The following EIF3H variants were observed in gnomAD, a reference collection of about 807,000 sequenced individuals.
EIF3H encodes eukaryotic translation initiation factor 3 subunit H.
In EIF3H, 26 loss-of-function variants were observed where a neutral mutation model predicts 44.2. That is an observed-to-expected ratio of 0.59 (90% CI 0.43 to 0.82). The LOEUF (loss-of-function observed/expected upper bound fraction) is 0.82. Among genes scored for constraint, EIF3H ranks in the 40% least tolerant of loss-of-function variants. The pLI is 0.00. For missense variants in EIF3H, 359 were observed against 432.8 expected (o/e 0.83, Z 1.51); for synonymous variants, 166 against 151.9 (o/e 1.09, Z -0.68).
chr8:116,735,816 G>GT (rs1444288565), intron 1 of EIF3H, among the ~76,000 whole-genome samples: 1 of 150,358 alleles, frequency 6.7e-6, no homozygotes, highest in South Asian at 2.1e-4. Context: ...AAAAAAAAAC[G>GT]TAACACAGCT....
chr8:116,701,805 T>TA (rs1315279139), intron 2 of EIF3H, among the ~76,000 whole-genome samples: 2 of 152,144 alleles, frequency 1.3e-5, no homozygotes, highest in African/African-American at 4.8e-5. Context: ...ACTAAAGAGA[T>TA]ACAATGAAAT....
intron 2 of EIF3H, among the ~76,000 whole-genome samples, chr8:116,660,882 T>C (rs2130798144): frequency 6.6e-6 from 1 of 152,324 alleles, no homozygotes; most frequent in African/African-American, 2.4e-5. Context: ...ACCTATGCTA[T>C]ACTCTAAACC....
At chr8:116,664,908 C>G (rs1215674434) in intron 2 of EIF3H, among the ~76,000 whole-genome samples, 1 of 150,180 alleles carries the variant, frequency 6.7e-6, no homozygotes. Flanking sequence ...GAGCTAGGCA[C>G]AGAGAAAGAA....
rs572709113 is a variant in EIF3H at position 116,646,333 on chromosome 8, C to A, written c.961+138G>T. The A allele has an allele frequency of 3.1e-5, 39 of 1,274,080 alleles. No individual in the cohort carries two copies. The African/African-American group carries it at 4.7e-4, about 16-fold the overall frequency. The allele number at this position is 1,274,080 out of a possible 1,614,324, so 78.9% of individuals were successfully genotyped here. On this transcript the variant is annotated intron_variant, in intron 7 of 7. Coordinates refer to ENST00000521861, the MANE Select transcript of EIF3H (RefSeq NM_003756.3). ...TCTTAGATTTCAGATATTACAGGTGCTAGATTCAAATTCATCCTGCAACTA... is the reference window on the plus strand; with the variant it reads ...TCTTAGATTTCAGATATTACAGGTGATAGATTCAAATTCATCCTGCAACTA...
intron 5 of EIF3H, among the ~76,000 whole-genome samples, chr8:116,651,828 T>A (rs149104845): frequency 2.0e-5 from 3 of 152,288 alleles, no homozygotes; most frequent in Non-Finnish European, 2.9e-5. Context: ...TGCAATGACT[T>A]AAAAACATAC....
In EIF3H at chr8:116,644,970, G is replaced by C. The variant is rs766468007; in HGVS notation, c.*36C>G. Reference sequence around the variant, plus strand: ...GAGTTGCCCTGGTGTGACTTCAAGAGTTCATGTTAACTTCTTTTCTGGAAA... The same window carrying C: ...GAGTTGCCCTGGTGTGACTTCAAGACTTCATGTTAACTTCTTTTCTGGAAA... On this transcript the variant is annotated 3_prime_UTR_variant, in exon 8 of 8. Coordinates refer to ENST00000521861, the MANE Select transcript of EIF3H (RefSeq NM_003756.3). 2.0e-6 allele frequency: 3 copies of C among 1,523,318 alleles called. No individual in the cohort carries two copies. In the East Asian group the frequency reaches 6.8e-5, roughly 34 times the overall value. 94.4% of individuals were successfully genotyped at this position (1,523,318 alleles called of 1,614,324 possible). A position where few individuals can be genotyped will look rare whatever the true frequency, so the allele number is the denominator to read the frequency against.
intron 2 of EIF3H, among the ~76,000 whole-genome samples, chr8:116,694,046 T>C (rs905142044): frequency 6.6e-6 from 1 of 152,204 alleles, no homozygotes; most frequent in Admixed American, 6.5e-5. Context: ...AACATTCCTA[T>C]AATACTCTTG....
intron 5 of EIF3H, among the ~76,000 whole-genome samples, chr8:116,653,322 T>A (rs1402591594): frequency 8.7e-6 from 1 of 114,856 alleles, no homozygotes; most frequent in African/African-American, 3.8e-5. Context: ...ATTATGATAA[T>A]GCTCTTCAGA....
upstream of EIF3H, among the ~76,000 whole-genome samples, chr8:116,759,931 A>G (rs1815501746): frequency 6.6e-6 from 1 of 152,148 alleles, no homozygotes; most frequent in East Asian, 1.9e-4. Context: ...CAGTTCCACA[A>G]TGTTGCTCAG....
chr8:116,646,753 A>T, intron 6 of EIF3H, 150 bp from the exon 7 acceptor site: 2 of 1,092,460 alleles, frequency 1.8e-6, no homozygotes, highest in Non-Finnish European at 2.6e-6. Context: ...CTTGCGTCTA[A>T]GAAGCTAAAT....
rs182795850 is a variant in EIF3H, at chr8:116,751,260, G to T, written c.132+4406C>A. Among the ~76,000 whole-genome samples the T allele has an allele frequency of 1.2e-3, 178 of 148,662 alleles. 1 individual carries two copies. The highest frequency in any genetic ancestry group is 0.01 in the Admixed American group (154 of 14,886). On this transcript the variant is annotated intron_variant, in intron 1 of 7. Transcript: ENST00000521861. ...AATAAAATAAAATAAAAGTATGAATGGTAGACTGAAGAAGGCAGGGGAAAA... is the reference window on the plus strand; with the variant it reads ...AATAAAATAAAATAAAAGTATGAATTGTAGACTGAAGAAGGCAGGGGAAAA...
intron 2 of EIF3H, among the ~76,000 whole-genome samples, chr8:116,706,593 G>A (rs766117376): frequency 3.9e-4 from 60 of 152,244 alleles, no homozygotes; most frequent in East Asian, 1.9e-4. Flanking sequence ...GGAGTGCAGT[G>A]GCACCATCTC....
intron 3 of EIF3H, 47 bp downstream of exon 3, chr8:116,658,766 G>A (rs769500203): frequency 6.3e-7 from 1 of 1,578,904 alleles, no homozygotes; most frequent in South Asian, 1.2e-5. Context: ...AGCAAAAATA[G>A]TAGTAATAAT....
chr8:116,690,188 T>A lies in EIF3H; in HGVS notation c.290-31208A>T, dbSNP rs189349668. 7.9e-5 allele frequency among the ~76,000 whole-genome samples: 12 copies of A among 152,288 alleles called. No individual in the cohort carries two copies. The East Asian group carries it at 2.3e-3, about 29-fold the overall frequency. On this transcript the variant is annotated intron_variant, in intron 2 of 7. Coordinates refer to ENST00000521861, the MANE Select transcript of EIF3H (RefSeq NM_003756.3). ...GTTAAGTGAAAGCAAAGAGCTAGCATAGATCTCAGAGATGACAAACCTCTG... is the reference window on the plus strand; with the variant it reads ...GTTAAGTGAAAGCAAAGAGCTAGCAAAGATCTCAGAGATGACAAACCTCTG...
At chr8:116,712,114 C>CGCT (rs971679842) in intron 2 of EIF3H, among the ~76,000 whole-genome samples, 6 of 152,162 alleles carry the variant, frequency 3.9e-5, no homozygotes, top group South Asian at 2.1e-4. Flanking sequence ...CCGCCGCCGC[C>CGCT]GCTGCTGCTG....
At chr8:116,677,573 A>G (rs1586448886) in intron 2 of EIF3H, among the ~76,000 whole-genome samples, 1 of 152,372 alleles carries the variant, frequency 6.6e-6, no homozygotes, top group Non-Finnish European at 1.5e-5. Flanking sequence ...CGTTGAAGAA[A>G]AAATGCTGGC....
At chr8:116,685,990 C>T (rs1352800844) in intron 2 of EIF3H, among the ~76,000 whole-genome samples, 5 of 152,130 alleles carry the variant, frequency 3.3e-5, no homozygotes, top group African/African-American at 4.8e-5. Flanking sequence ...TTTCCATCAC[C>T]TCACACTATC....
chr8:116,655,564 C>T (rs887844088), intron 5 of EIF3H, among the ~76,000 whole-genome samples: 3 of 152,138 alleles, frequency 2.0e-5, no homozygotes, highest in African/African-American at 7.2e-5. Context: ...AAAGCCCTCC[C>T]TCTTGGGCAC....
intron 1 of EIF3H, among the ~76,000 whole-genome samples, chr8:116,748,926 G>T (rs1815284180): frequency 6.6e-6 from 1 of 151,970 alleles, no homozygotes; most frequent in South Asian, 2.1e-4. Context: ...ATTTTTAGTT[G>T]TTTTTTTCCT....
Sources: gnomAD v4.1 joint callset for allele counts (sites outside exome capture counted in the v4.1 genomes callset) on GRCh38, gnomAD v4.1.1 for gene constraint, MANE v1.5 for transcripts, NCBI Gene and HGNC (gene_info 2026-07-23, HGNC 2026-07-21) for gene names.